The following WDFY3 variants were observed in gnomAD, a reference collection of about 807,000 sequenced individuals.
WDFY3 encodes the protein WD repeat and FYVE domain-containing protein 3.
WDFY3 carries 66 observed loss-of-function variants against 409.6 expected under a neutral mutation model. The ratio of observed to expected loss-of-function variants is 0.16; its 90% CI spans 0.13 to 0.20. The LOEUF (loss-of-function observed/expected upper bound fraction) is 0.20, where lower values mean the gene tolerates loss of function less well. Among genes scored for constraint, WDFY3 ranks in the 10% least tolerant of loss-of-function variants. The pLI is 1.00. For missense variants in WDFY3, 3,031 were observed against 4,298.1 expected (o/e 0.71, Z 8.24); for synonymous variants, 1,521 against 1,537.1 (o/e 0.99, Z 0.25).
At chr4:84,758,735 T>C (rs1469336775) in intron 32 of WDFY3, among the ~76,000 whole-genome samples, 4 of 152,122 alleles carry the variant, frequency 2.6e-5, no homozygotes, top group African/African-American at 4.8e-5. Context: ...AAAAAAATTA[T>C]ATAGCAATTT....
At chr4:84,836,797 T>C (rs1756630918) in intron 7 of WDFY3, 132 bp downstream of exon 7, 1 of 765,100 alleles carries the variant, frequency 1.3e-6, no homozygotes, top group South Asian at 5.7e-5. Context: ...GACAATTATA[T>C]GAGATAAAGT....
chr4:84,785,624 G>C (rs1245614796), intron 24 of WDFY3, among the ~76,000 whole-genome samples: 2 of 152,130 alleles, frequency 1.3e-5, no homozygotes, highest in East Asian at 3.9e-4. Flanking sequence ...CCACTGCTAT[G>C]TCCTGAACTG....
Position 84,705,429 on chromosome 4 carries a change from T to C in WDFY3, c.8300A>G (p.Tyr2767Cys). 1.2e-6 allele frequency: 2 copies of C among 1,614,098 alleles called. No homozygotes were observed. Among genetic ancestry groups the C allele is most frequent in the Non-Finnish European group, 8.5e-7 (1 of 1,179,966 alleles). ...GAQTDERLAQ[Y>C]KKRYKDWEDP... ...CTCCCAGTCTTTATACCGCTTCTTA[T>C]ACTGAGCTAATCGTTCATCTGTTTG... The change falls in exon 54 of 68, where the codon TAT becomes TGT. Residue 2767 changes from tyrosine (Y) to cysteine (C), a missense_variant. Around this residue, in one of 16 missense-constraint regions of WDFY3, gnomAD observed 129 missense variants for 305.3 expected, o/e 0.42. Transcript: ENST00000295888.
chr4:84,920,014 A>G (rs974289162), intron 2 of WDFY3, among the ~76,000 whole-genome samples: 3 of 152,226 alleles, frequency 2.0e-5, no homozygotes, highest in Non-Finnish European at 4.4e-5. Flanking sequence ...CTAAAATCTT[A>G]TCAACAGAAA....
chr4:84,755,303 A>C lies in WDFY3; in HGVS notation c.5522T>G (p.Phe1841Cys). 1.9e-6 allele frequency: 3 copies of C among 1,613,168 alleles called. No individual in the cohort carries two copies. Among genetic ancestry groups the C allele is most frequent in the Non-Finnish European group, 2.5e-6 (3 of 1,179,764 alleles). Residue 1841 changes from phenylalanine (F) to cysteine (C), a missense_variant, in exon 34 of 68, where the codon TTT (phenylalanine) becomes TGT (cysteine). By Grantham distance (205) the Phe-to-Cys change is radical. Coordinates refer to ENST00000295888, the MANE Select transcript of WDFY3 (RefSeq NM_014991.6). Reference sequence around the variant, plus strand: ...GCTGCGGAGCATTCCCAATAATAAAAAAACAGCTTCTGTGCATACGTTATG... The same window carrying C: ...GCTGCGGAGCATTCCCAATAATAAACAAACAGCTTCTGTGCATACGTTATG... ...SIHNVCTEAV[F>C]LLLGMLRSML...
rs991001964 is a variant in WDFY3 at position 84,671,843 on chromosome 4, G to A, written c.*1025C>T. On this transcript the variant is annotated 3_prime_UTR_variant, in exon 68 of 68. Coordinates refer to ENST00000295888, the MANE Select transcript of WDFY3 (RefSeq NM_014991.6). ...TCTTTCCTTTTTTTACCCCTTGTTT[G>A]AAAATAAGCTATAGTAGAACATTAG... 3 of 152,384 alleles carry A rather than the reference G, an allele frequency of 2.0e-5. No homozygotes were observed. The highest frequency in any genetic ancestry group is 7.2e-5 in the African/African-American group (3 of 41,408). 9.4% of individuals were successfully genotyped at this position (152,384 alleles called of 1,614,324 possible).
In WDFY3 at chr4:84,772,947, C is replaced by A; in HGVS notation, c.4755-18G>T. On this transcript the variant is annotated intron_variant, in intron 29 of 67. Coordinates refer to ENST00000295888, the MANE Select transcript of WDFY3 (RefSeq NM_014991.6). ...GCCCAAATCTTTAAACAAAGGAAAA[C>A]AAGATTATGGATTTTCTTTTTCCTC... 1.3e-6 allele frequency: 2 copies of A among 1,559,788 alleles called. No homozygotes were observed. Among genetic ancestry groups the A allele is most frequent in the Non-Finnish European group, 1.7e-6 (2 of 1,154,562 alleles).
At chr4:84,946,679 T>A (rs1398445666) in intron 1 of WDFY3, among the ~76,000 whole-genome samples, 1 of 152,112 alleles carries the variant, frequency 6.6e-6, no homozygotes, top group East Asian at 1.9e-4. Flanking sequence ...GCTTTTGACT[T>A]CCCCTTCTTT....
rs1753995823 is a variant in WDFY3 at position 84,821,128 on chromosome 4, T to A, written c.1547A>T (p.Tyr516Phe). Residue 516 changes from tyrosine to phenylalanine, a missense_variant, in exon 11 of 68, where the codon TAT becomes TTT. By Grantham distance (22) the Tyr-to-Phe change is conservative (BLOSUM62 3). Around this residue, in one of 16 missense-constraint regions of WDFY3, gnomAD observed 1,322 missense variants for 1,697.9 expected, o/e 0.78. Transcript: ENST00000295888. Reference protein sequence around the residue: ...LEVMVNLLHKYAALLKDPTQA... With the variant: ...LEVMVNLLHKFAALLKDPTQA... Reference sequence around the variant, plus strand: ...AGTTGGATCCTTCAACAGGGCAGCATATTTATGCAAAAGGTTTACCATGAC... The same window carrying A: ...AGTTGGATCCTTCAACAGGGCAGCAAATTTATGCAAAAGGTTTACCATGAC... 6.2e-7 allele frequency: 1 copy of A among 1,613,506 alleles called. No individual in the cohort carries two copies. The highest frequency in any genetic ancestry group is 1.7e-5 in the Admixed American group (1 of 59,878).
intron 2 of WDFY3, among the ~76,000 whole-genome samples, chr4:84,897,509 A>G (rs1765798774): frequency 6.6e-6 from 1 of 151,982 alleles, no homozygotes; most frequent in South Asian, 2.1e-4. Context: ...CAGCCTCCCG[A>G]GTAGCTGGGA....
intron 11 of WDFY3, among the ~76,000 whole-genome samples, chr4:84,820,665 T>C (rs149643113): frequency 1.9e-4 from 29 of 152,258 alleles, no homozygotes; most frequent in African/African-American, 7.0e-4. Context: ...TATAACATCA[T>C]TAAATATACG....
At position 84,841,088 on chromosome 4, in the gene WDFY3, T is replaced by G. The variant is rs574574275; in HGVS notation, c.414+66A>C. 7.2e-6 allele frequency: 9 copies of G among 1,253,864 alleles called. No homozygotes were observed. The South Asian group carries it at 1.2e-4, about 17-fold the overall frequency. 77.7% of individuals were successfully genotyped at this position (1,253,864 alleles called of 1,614,324 possible). On this transcript the variant is annotated intron_variant, in intron 6 of 67. Coordinates refer to ENST00000295888, the MANE Select transcript of WDFY3 (RefSeq NM_014991.6). ...TTGGATATAATGATGAATTTAATAA[T>G]AAAATCACAAGAGAGGCTATAAAAT...
At chr4:84,809,284 T>C (rs1021660621) in intron 14 of WDFY3, 2 of 152,270 alleles carry the variant, frequency 1.3e-5, no homozygotes, top group African/African-American at 2.4e-5. Flanking sequence ...AGCTAAAAGA[T>C]AGCAAGGACC....
At position 84,950,415 on chromosome 4, in the gene WDFY3, TAA is replaced by T. The variant is rs74222011; in HGVS notation, c.-226+15792_-226+15793del. ...ACATATCCCAGAACTTAAAGTTTAATAAAAAAAAAAAAAGGTTACATTATTTA... is the reference window on the plus strand; with the variant it reads ...ACATATCCCAGAACTTAAAGTTTAATAAAAAAAAAAAGGTTACATTATTTA... On this transcript the variant is annotated intron_variant, in intron 1 of 67. Coordinates refer to ENST00000295888, the MANE Select transcript of WDFY3 (RefSeq NM_014991.6). 2.8e-3 allele frequency among the ~76,000 whole-genome samples: 375 copies of T among 131,852 alleles called. 5 individuals are homozygous for T. Among genetic ancestry groups the T allele is most frequent in the African/African-American group, 9.9e-3 (360 of 36,522 alleles). 86.5% of individuals were successfully genotyped at this position (131,852 alleles called of 152,430 possible).
At chr4:84,938,122 G>C (rs571757276) in intron 1 of WDFY3, among the ~76,000 whole-genome samples, 1 of 151,990 alleles carries the variant, frequency 6.6e-6, no homozygotes, top group African/African-American at 2.4e-5. Flanking sequence ...AAATCTATGA[G>C]GGCAATGGTT....
At chr4:84,903,367 T>G (rs1490350423) in intron 2 of WDFY3, among the ~76,000 whole-genome samples, 1 of 152,184 alleles carries the variant, frequency 6.6e-6, no homozygotes, top group Non-Finnish European at 1.5e-5. Flanking sequence ...TGGCACAGGC[T>G]GGAATGCAGT....
Position 84,803,644 on chromosome 4 carries a change from G to GT in WDFY3, c.2430-178dup, listed in dbSNP as rs532457957. Among the ~76,000 whole-genome samples the GT allele has an allele frequency of 1.7e-3, 261 of 152,260 alleles. 1 individual carries two copies. The highest frequency in any genetic ancestry group is 5.8e-3 in the African/African-American group (243 of 41,568). Reference sequence around the variant, plus strand: ...GATATGTGTGTGTGTCCGCATGTGTGTGGGTGGGTGTGTGCAGACCATGTA... The same window carrying GT: ...GATATGTGTGTGTGTCCGCATGTGTGTTGGGTGGGTGTGTGCAGACCATGTA... On this transcript the variant is annotated intron_variant, in intron 15 of 67. Coordinates refer to ENST00000295888, the MANE Select transcript of WDFY3 (RefSeq NM_014991.6).
intron 35 of WDFY3, among the ~76,000 whole-genome samples, chr4:84,752,511 CA>C (rs576847954): frequency 2.6e-3 from 350 of 135,734 alleles, no homozygotes; most frequent in Middle Eastern, 8.1e-3. Context: ...GCCGGGATGA[CA>C]AGAGCGAAAC....
chr4:84,684,149 A>G, intron 62 of WDFY3, 24 bp from the exon 63 acceptor site: 1 of 1,517,442 alleles, frequency 6.6e-7, no homozygotes, highest in Non-Finnish European at 8.9e-7. Flanking sequence ...GAAAAACGTC[A>G]TTCTCTTTGC....
Sources: gnomAD v4.1 joint callset for allele counts (sites outside exome capture counted in the v4.1 genomes callset) on GRCh38, gnomAD v4.1.1 for gene constraint, gnomAD v4.1.1 regional missense constraint, MANE v1.5 for transcripts, NCBI Gene and HGNC (gene_info 2026-07-23, HGNC 2026-07-21) for gene names.